DMC1: variants seen among roughly 807,000 people sequenced by gnomAD.
The protein encoded by DMC1 is meiotic recombination protein DMC1 homolog.
DMC1 carries 27 observed loss-of-function variants against 50.1 expected under a neutral mutation model. That is an observed-to-expected ratio of 0.54 (90% CI 0.40 to 0.74). The LOEUF (loss-of-function observed/expected upper bound fraction) is 0.74, where lower values mean the gene tolerates loss of function less well. DMC1 is among the 30% of genes least tolerant of loss of function. The pLI, the probability that DMC1 is intolerant of heterozygous loss-of-function variation, is 0.00. For synonymous variants in DMC1, 148 were observed against 136.1 expected, an observed-to-expected ratio of 1.09 and a Z score of -0.61; for missense variants, 295 against 420.2, an observed-to-expected ratio of 0.70 and a Z score of 2.60.
At chr22:38,566,876 C>T in intron 3 of DMC1, 140 bp from the exon 4 acceptor site, 1 of 801,168 alleles carries the variant, frequency 1.2e-6, no homozygotes, top group South Asian at 1.5e-5. Flanking sequence ...ACCCACCCAC[C>T]ATGTAGCCAA....
chr22:38,524,828 G>A (rs1293507934), intron 12 of DMC1, among the ~76,000 whole-genome samples: 2 of 152,098 alleles, frequency 1.3e-5, no homozygotes, highest in African/African-American at 2.4e-5. Context: ...TTGGGAGGCC[G>A]AGGCGGGCGG....
intron 3 of DMC1, 132 bp from the exon 4 acceptor site, chr22:38,566,868 C>T (rs1602781790): frequency 1.2e-6 from 1 of 869,366 alleles, no homozygotes; most frequent in South Asian, 1.4e-5. Context: ...CAGGTGGAAC[C>T]CACCCACCAT....
intron 5 of DMC1, among the ~76,000 whole-genome samples, chr22:38,559,800 A>C (rs548479051): frequency 3.8e-4 from 57 of 151,952 alleles, no homozygotes; most frequent in Non-Finnish European, 8.1e-4. Context: ...GCGGTGGATC[A>C]TGGGATCAGG....
chr22:38,554,887 T>C (rs1293719051), intron 6 of DMC1, among the ~76,000 whole-genome samples: 1 of 152,022 alleles, frequency 6.6e-6, no homozygotes, highest in African/African-American at 2.4e-5. Flanking sequence ...ATCAAGACCA[T>C]CCTGGCTAAC....
chr22:38,540,684 A>G (rs2090271231), intron 8 of DMC1, among the ~76,000 whole-genome samples: 1 of 152,180 alleles, frequency 6.6e-6, no homozygotes, highest in Non-Finnish European at 1.5e-5. Flanking sequence ...TGCACTAGAT[A>G]TGTTCTTGTT....
In DMC1 at chr22:38,538,545, C is replaced by T. The variant is rs376521904; in HGVS notation, c.654G>A (p.Lys218=). The change falls in exon 10 of 14, where the codon AAG becomes AAA. Residue 218 remains lysine, a synonymous_variant. Coordinates refer to ENST00000216024, the MANE Select transcript of DMC1 (RefSeq NM_007068.4). ...AKFHEEAGIF[K]LLIIDSIMAL... is the part of the protein sequence containing the mutation. ...AATATTTAAAAGCTTGTACCAATAG[C>T]TTGAAGATGCCAGCTTCTTCATGGA... 1.3e-5 allele frequency: 21 copies of T among 1,613,850 alleles called. No homozygotes were observed. Among genetic ancestry groups the T allele is most frequent in the Non-Finnish European group, 1.8e-5 (21 of 1,179,936 alleles).
At chr22:38,536,229 AC>A (rs913107538) in intron 12 of DMC1, among the ~76,000 whole-genome samples, 3 of 150,506 alleles carry the variant, frequency 2.0e-5, no homozygotes, top group Non-Finnish European at 3.0e-5. Flanking sequence ...AAAAAAAAAA[AC>A]ACACACACAC....
chr22:38,538,923 C>T (rs950685213), intron 9 of DMC1, among the ~76,000 whole-genome samples: 3 of 151,680 alleles, frequency 2.0e-5, no homozygotes, highest in Non-Finnish European at 4.4e-5. Flanking sequence ...GTAATCCCAG[C>T]GACTTGGGAG....
At chr22:38,532,425 G>A (rs936526157) in intron 12 of DMC1, among the ~76,000 whole-genome samples, 1 of 149,970 alleles carries the variant, frequency 6.7e-6, no homozygotes, top group Admixed American at 6.7e-5. Context: ...GGGTTCAAAC[G>A]ATTCTTCTGC....
At chr22:38,530,291 G>A (rs2090139411) in intron 12 of DMC1, among the ~76,000 whole-genome samples, 2 of 151,910 alleles carry the variant, frequency 1.3e-5, no homozygotes, top group Admixed American at 1.3e-4. Context: ...TTGGGAAGAT[G>A]GGGGAAAGGG....
At position 38,539,380 on chromosome 22, in the gene DMC1, C is replaced by A; in HGVS notation, c.527G>T (p.Arg176Leu). The A allele has an allele frequency of 1.2e-6, 2 of 1,613,974 alleles. No individual in the cohort carries two copies. The highest frequency in any genetic ancestry group is 1.7e-6 in the Non-Finnish European group (2 of 1,179,920). ...RPDRLRDIAD[R>L]FNVDHDAVLD... is the part of the protein sequence containing the mutation. ...TACTGCATCATGGTCTACATTAAAG[C>A]GATCAGCAATGTCCCTAAGGCGATC... Residue 176 changes from arginine (R) to leucine (L), a missense_variant, in exon 9 of 14, where the codon CGC (arginine) becomes CTC (leucine). Arg to Leu is a moderately radical substitution (Grantham distance 102, BLOSUM62 -2). Transcript: ENST00000216024.
intron 6 of DMC1, among the ~76,000 whole-genome samples, chr22:38,553,716 T>G (rs2090438693): frequency 6.6e-6 from 1 of 151,824 alleles, no homozygotes; most frequent in Non-Finnish European, 1.5e-5. Flanking sequence ...CCTAGCACTT[T>G]GGGAGGCCGA....
In DMC1 at chr22:38,564,760, T is replaced by C. The variant is rs530736589; in HGVS notation, c.243+1830A>G. 2.0e-5 allele frequency among the ~76,000 whole-genome samples: 3 copies of C among 152,338 alleles called. No homozygotes were observed. In the South Asian group the frequency reaches 6.2e-4, roughly 32 times the overall value. On this transcript the variant is annotated intron_variant, in intron 4 of 13. Transcript: ENST00000216024. ...ATTTAATTTCCAAAGAAAACAACTC[T>C]AATGTCATAGAGCAGTTTCCCAAAC...
In DMC1 at chr22:38,531,375, T is replaced by C. The variant is rs1319347199; in HGVS notation, c.836+6217A>G. The stretch of plus-strand genomic sequence containing the variant: ...CTCCTCGCTTCTATAATTTCGTTCC[T>C]TTTTAATAAGATGTGCAATCAAGTA... On this transcript the variant is annotated intron_variant, in intron 12 of 13. Coordinates refer to ENST00000216024, the MANE Select transcript of DMC1 (RefSeq NM_007068.4). Among the ~76,000 whole-genome samples, 4 of 152,212 alleles carry C rather than the reference T, an allele frequency of 2.6e-5. No individual in the cohort carries two copies. The East Asian group carries it at 7.7e-4, about 29-fold the overall frequency.
chr22:38,509,952 G>A, the DMC1 span, among the ~76,000 whole-genome samples: 14 of 152,166 alleles, frequency 9.2e-5, no homozygotes, highest in South Asian at 2.7e-3. Context: ...CATGGCCACC[G>A]CATCTGGCCT....
chr22:38,551,028 G>C (rs971928352), intron 7 of DMC1, among the ~76,000 whole-genome samples: 4 of 150,980 alleles, frequency 2.6e-5, no homozygotes, highest in Non-Finnish European at 4.4e-5. Flanking sequence ...GGATCATGAG[G>C]TCAGGAGTTT....
chr22:38,569,384 T>A (rs985891106), intron 1 of DMC1: 1 of 151,968 alleles, frequency 6.6e-6, no homozygotes, highest in Admixed American at 6.6e-5. Context: ...AAGTCAGGGG[T>A]TGGACCCTAG....
downstream of DMC1, among the ~76,000 whole-genome samples, chr22:38,514,593 C>G (rs1297431867): frequency 6.6e-6 from 1 of 152,048 alleles, no homozygotes; most frequent in Non-Finnish European, 1.5e-5. Flanking sequence ...AAAGACCTTG[C>G]TGATAAAACA....
intron 8 of DMC1, among the ~76,000 whole-genome samples, chr22:38,540,490 T>A (rs2090268812): frequency 6.6e-6 from 1 of 152,218 alleles, no homozygotes; most frequent in South Asian, 2.1e-4. Context: ...TCTTTGGTGA[T>A]CCCAACAATA....
Sources: allele counts gnomAD v4.1 joint callset (sites outside exome capture counted in the v4.1 genomes callset), GRCh38; gene constraint gnomAD v4.1.1; transcripts MANE v1.5; gene names NCBI Gene and HGNC (gene_info 2026-07-23, HGNC 2026-07-21).